The following KLHL10 variants were observed in gnomAD, a reference collection of about 807,000 sequenced individuals.
KLHL10 encodes the protein kelch-like protein 10.
KLHL10 carries 11 observed loss-of-function variants against 46.6 expected under a neutral mutation model. The ratio of observed to expected loss-of-function variants is 0.24; its 90% CI spans 0.15 to 0.39. The LOEUF (loss-of-function observed/expected upper bound fraction) is 0.39, where lower values mean the gene tolerates loss of function less well. Among genes scored for constraint, KLHL10 ranks in the 10% least tolerant of loss-of-function variants. The pLI is 1.00. For synonymous variants in KLHL10, 254 were observed against 279.1 expected (o/e 0.91, Z 0.90); for missense variants, 475 against 789.8 (o/e 0.60, Z 4.78).
intron 2 of KLHL10, among the ~76,000 whole-genome samples, chr17:41,842,795 G>T (rs1392921438): frequency 6.6e-6 from 1 of 151,950 alleles, no homozygotes; most frequent in East Asian, 1.9e-4. Context: ...AAATTAGCTG[G>T]GCATGGTGGT....
upstream of KLHL10, among the ~76,000 whole-genome samples, chr17:41,837,096 G>A (rs2048170896): frequency 6.6e-6 from 1 of 152,194 alleles, no homozygotes; most frequent in Non-Finnish European, 1.5e-5. Context: ...AGGAGGTCGA[G>A]GCTGTAGTGA....
chr17:41,843,152 C>A lies in KLHL10; in HGVS notation c.684+840C>A, dbSNP rs184435607. 2.0e-5 allele frequency among the ~76,000 whole-genome samples: 3 copies of A among 151,432 alleles called. No homozygotes were observed. The East Asian group carries it at 5.8e-4, about 29-fold the overall frequency. On this transcript the variant is annotated intron_variant, in intron 2 of 4. Coordinates refer to ENST00000293303, the MANE Select transcript of KLHL10 (RefSeq NM_152467.5). ...AAAAAAAAAAAAAAATTCTAAAGGG[C>A]TGAAATTCCTTTCAGCTTTTTTCCT...
At position 41,844,542 on chromosome 17, in the gene KLHL10, A is replaced by ATTT. The variant is rs369578859; in HGVS notation, c.685-562_685-560dup. ...CCACTGCACTCAGCCTGGTTTTTGTATTTTTTTTTTTTTTTTTTTTTTTTG... is the reference window on the plus strand; with the variant it reads ...CCACTGCACTCAGCCTGGTTTTTGTATTTTTTTTTTTTTTTTTTTTTTTTTTTG... On this transcript the variant is annotated intron_variant, in intron 2 of 4. Transcript: ENST00000293303. Among the ~76,000 whole-genome samples the ATTT allele has an allele frequency of 5.4e-3, 627 of 115,194 alleles. 12 individuals carry two copies. The highest frequency in any genetic ancestry group is 0.01 in the African/African-American group (297 of 28,394). The allele number at this position is 115,194 out of a possible 152,430, so 75.6% of individuals were successfully genotyped here. A position where few individuals can be genotyped will look rare whatever the true frequency, so the allele number is the denominator to read the frequency against.
Position 41,845,737 on chromosome 17 carries a change from T to A in KLHL10, c.1296T>A (p.Tyr432Ter). The A allele has an allele frequency of 6.2e-7, 1 of 1,613,864 alleles. No homozygotes were observed. Among genetic ancestry groups the A allele is most frequent in the Non-Finnish European group, 8.5e-7 (1 of 1,179,950 alleles). Residue 432 changes from tyrosine to a stop codon, truncating the protein, a stop_gained, in exon 3 of 5, where the codon TAT becomes TAA. Coordinates refer to ENST00000293303, the MANE Select transcript of KLHL10 (RefSeq NM_152467.5). LOFTEE classifies it high-confidence loss of function. ...GTGATGCAAGCGCCACAACACTTTA[T>A]GGGAAGGTAAAGGACCAGGGTGGGA... ...QRSDASATTL[Y>*]GKVYICGGFN...
chr17:41,847,864 C>T, intron 4 of KLHL10, 69 bp from the exon 5 acceptor site: 7 of 1,602,274 alleles, frequency 4.4e-6, no homozygotes, highest in South Asian at 1.1e-5. Context: ...CTGGTACCCC[C>T]AACAAGGGCT....
At chr17:41,835,802 C>T (rs2048141793), upstream of KLHL10, 2 of 1,488,900 alleles carry the variant, frequency 1.3e-6, no homozygotes, top group Non-Finnish European at 1.8e-6. Context: ...GCCCAATGGG[C>T]AGGAAGCCTC....
chr17:41,836,144 C>T (rs1765903584), upstream of KLHL10: 8 of 1,312,954 alleles, frequency 6.1e-6, no homozygotes, highest in Admixed American at 3.2e-4. Context: ...GGTCGGAGTC[C>T]GGGCCCGCCC....
At chr17:41,837,029 G>A (rs1159163363), upstream of KLHL10, among the ~76,000 whole-genome samples, 8 of 152,152 alleles carry the variant, frequency 5.3e-5, no homozygotes, top group East Asian at 1.9e-4. Context: ...GGCACGGTGC[G>A]GAGCACTTGT....
At chr17:41,841,679 A>T in intron 1 of KLHL10, 144 bp from the exon 2 acceptor site, 1 of 920,642 alleles carries the variant, frequency 1.1e-6, no homozygotes, top group Non-Finnish European at 1.7e-6. Flanking sequence ...AAGAGTGACC[A>T]AAGTCAGAGT....
intron 2 of KLHL10, among the ~76,000 whole-genome samples, chr17:41,843,947 G>C (rs2048254166): frequency 6.6e-6 from 1 of 151,390 alleles, no homozygotes; most frequent in Non-Finnish European, 1.5e-5. Context: ...ATTTTTAGTA[G>C]AGACGGGGTT....
rs1407115981 is a variant in KLHL10, at chr17:41,847,155, TCA to T, written c.1303-105_1303-104del. 4.0e-6 allele frequency: 4 copies of T among 993,540 alleles called. No individual in the cohort carries two copies. The Admixed American group carries it at 6.9e-5, about 17-fold the overall frequency. The allele number at this position is 993,540 out of a possible 1,614,324, so 61.5% of individuals were successfully genotyped here. A position where few individuals can be genotyped will look rare whatever the true frequency, so the allele number is the denominator to read the frequency against. On this transcript the variant is annotated intron_variant, in intron 3 of 4. Transcript: ENST00000293303. ...GCATGCACATACAAAAAAAAGAAAT[TCA>T]GACTGTACAGACTGGAATTAAGTGC... is the stretch of plus-strand genomic sequence containing the variant.
chr17:41,842,274 C>A lies in KLHL10; in HGVS notation c.646C>A (p.Gln216Lys), dbSNP rs1555620837. 1 of 1,614,096 alleles carries A rather than the reference C, an allele frequency of 6.2e-7. No individual in the cohort carries two copies. The highest frequency in any genetic ancestry group is 1.7e-5 in the Admixed American group (1 of 60,012). Reference protein sequence around the residue: ...AILKWISHDPQNRKQHISILL... With the variant: ...AILKWISHDPKNRKQHISILL... ...TTTAAAGTGGATTTCTCATGACCCC[C>A]AAAATAGAAAGCAGCACATTTCAAT... The change falls in exon 2 of 5, where the codon CAA becomes AAA. Residue 216 changes from glutamine (Q) to lysine (K), a missense_variant. Coordinates refer to ENST00000293303, the MANE Select transcript of KLHL10 (RefSeq NM_152467.5).
chr17:41,835,769 C>G, upstream of KLHL10: 1 of 1,292,378 alleles, frequency 7.7e-7, no homozygotes. Flanking sequence ...TAGGAGGGGT[C>G]CGCGGCAGAG....
At chr17:41,841,000 C>T (rs1025847065) in intron 1 of KLHL10, among the ~76,000 whole-genome samples, 1 of 151,866 alleles carries the variant, frequency 6.6e-6, no homozygotes, top group African/African-American at 2.4e-5. Flanking sequence ...ATCAGTTGAG[C>T]GTGGTGGCAC....
intron 3 of KLHL10, among the ~76,000 whole-genome samples, chr17:41,846,930 C>T (rs1555621504): frequency 6.6e-6 from 1 of 152,132 alleles, no homozygotes; most frequent in Non-Finnish European, 1.5e-5. Flanking sequence ...GCCTGGACAA[C>T]ACGGTGAAAC....
chr17:41,836,133 G>A (rs1307162327), upstream of KLHL10: 31 of 1,322,508 alleles, frequency 2.3e-5, no homozygotes, highest in Non-Finnish European at 2.4e-5. Flanking sequence ...AGCGCCCCGG[G>A]GGTCGGAGTC....
intron 1 of KLHL10, 88 bp downstream of exon 1, chr17:41,838,214 C>T: frequency 2.5e-6 from 3 of 1,198,812 alleles, no homozygotes; most frequent in Non-Finnish European, 3.7e-6. Flanking sequence ...CACCCCATCA[C>T]CTTAACTTTA....
chr17:41,839,859 T>C (rs550216376), intron 1 of KLHL10, among the ~76,000 whole-genome samples: 1 of 150,976 alleles, frequency 6.6e-6, no homozygotes, highest in Admixed American at 6.7e-5. Flanking sequence ...ATTACAGCTG[T>C]GTGCCACCAC....
chr17:41,846,700 A>G (rs1423900176), intron 3 of KLHL10, among the ~76,000 whole-genome samples: 1 of 152,122 alleles, frequency 6.6e-6, no homozygotes, highest in African/African-American at 2.4e-5. Flanking sequence ...TACAAAAATT[A>G]GCCAGGCACA....
Sources: gnomAD v4.1 joint callset for allele counts (sites outside exome capture counted in the v4.1 genomes callset) on GRCh38, gnomAD v4.1.1 for gene constraint, MANE v1.5 for transcripts, NCBI Gene and HGNC (gene_info 2026-07-23, HGNC 2026-07-21) for gene names.